Variants in HTT observed in about 807,000 individuals in gnomAD.
HTT encodes the protein huntingtin, also known as huntington disease protein.
HTT carries 104 observed loss-of-function variants against 362.3 expected under a neutral mutation model. That is an observed-to-expected ratio of 0.29 (90% CI 0.24 to 0.34). The LOEUF is 0.34. Among genes scored for constraint, HTT ranks in the 10% least tolerant of loss-of-function variants. HTT has a pLI of 1.00. For synonymous variants in HTT, 1,577 were observed against 1,548.7 expected, an observed-to-expected ratio of 1.02 and a Z score of -0.43; for missense variants, 3,301 against 3,928.6, an observed-to-expected ratio of 0.84 and a Z score of 4.27.
intron 29 of HTT, among the ~76,000 whole-genome samples, chr4:3,163,102 C>T (rs1314918338): frequency 2.0e-5 from 3 of 152,124 alleles, no homozygotes; most frequent in South Asian, 2.1e-4. Flanking sequence ...TACGTTCCAT[C>T]GATACCTAGT....
chr4:3,123,144 A>G (rs747254691), intron 10 of HTT: 5 of 408,850 alleles, frequency 1.2e-5, no homozygotes, highest in East Asian at 3.6e-5. Flanking sequence ...AATTACTTTC[A>G]TATCAGAATT....
At chr4:3,092,243 C>G (rs918057472) in intron 2 of HTT, among the ~76,000 whole-genome samples, 2 of 152,064 alleles carry the variant, frequency 1.3e-5, no homozygotes, top group Non-Finnish European at 2.9e-5. Context: ...AGACTGGTCT[C>G]GAACTCCTGA....
At chr4:3,159,789 G>A (rs1418437139) in intron 28 of HTT, among the ~76,000 whole-genome samples, 1 of 152,192 alleles carries the variant, frequency 6.6e-6, no homozygotes, top group African/African-American at 2.4e-5. Flanking sequence ...TAGAATTGCT[G>A]TATAATTTAA....
At chr4:3,090,675 A>C (rs933025453) in intron 2 of HTT, among the ~76,000 whole-genome samples, 1 of 152,262 alleles carries the variant, frequency 6.6e-6, no homozygotes, top group African/African-American at 2.4e-5. Flanking sequence ...ACCACTTTCT[A>C]GATAGGAAGA....
intron 21 of HTT, among the ~76,000 whole-genome samples, chr4:3,139,653 AC>A (rs1716243907): frequency 1.3e-5 from 2 of 152,096 alleles, no homozygotes; most frequent in Admixed American, 1.3e-4. Context: ...GCAGATATGA[AC>A]CCTTTTGTTT....
intron 47 of HTT, among the ~76,000 whole-genome samples, chr4:3,210,750 G>A (rs1560595251): frequency 6.6e-6 from 1 of 152,146 alleles, no homozygotes; most frequent in South Asian, 2.1e-4. Flanking sequence ...CACCTGGGAG[G>A]ACAAATGCCT....
At chr4:3,225,157 G>C (rs538157719) in intron 56 of HTT, among the ~76,000 whole-genome samples, 2 of 151,966 alleles carry the variant, frequency 1.3e-5, no homozygotes, top group South Asian at 2.1e-4. Flanking sequence ...TGGGGCGTGG[G>C]GGGGTGTGAA....
At chr4:3,112,181 C>A (rs1714788982) in intron 6 of HTT, among the ~76,000 whole-genome samples, 2 of 152,136 alleles carry the variant, frequency 1.3e-5, no homozygotes, top group African/African-American at 2.4e-5. Context: ...CAAGTTCAAT[C>A]CAGCGTGTTG....
At chr4:3,159,687 G>A (rs1717343602) in intron 28 of HTT, among the ~76,000 whole-genome samples, 1 of 152,206 alleles carries the variant, frequency 6.6e-6, no homozygotes. Context: ...CTGAGGCAGT[G>A]TTTTACCAAT....
chr4:3,237,582 A>G (rs562280458), intron 64 of HTT, among the ~76,000 whole-genome samples: 4 of 152,210 alleles, frequency 2.6e-5, no homozygotes, highest in African/African-American at 9.6e-5. Context: ...TCCAGACGCC[A>G]CAGGGAGGCA....
At chr4:3,223,013 C>T (rs1720750226) in intron 54 of HTT, among the ~76,000 whole-genome samples, 1 of 152,128 alleles carries the variant, frequency 6.6e-6, no homozygotes, top group Non-Finnish European at 1.5e-5. Flanking sequence ...TTTGAACTCA[C>T]AGAAATGACA....
At chr4:3,212,293 C>A in intron 48 of HTT, 151 bp downstream of exon 48, 1 of 725,894 alleles carries the variant, frequency 1.4e-6, no homozygotes, top group Non-Finnish European at 2.2e-6. Context: ...GTGTCCTCGG[C>A]TCAGAATTTC....
chr4:3,240,236 T>G lies in HTT; in HGVS notation c.*177T>G, dbSNP rs1578622652. 1 of 621,142 alleles carries G rather than the reference T, an allele frequency of 1.6e-6. No individual in the cohort carries two copies. The highest frequency in any genetic ancestry group is 1.9e-5 in the South Asian group (1 of 51,534). 38.5% of individuals were successfully genotyped at this position (621,142 alleles called of 1,614,324 possible). ...GTGGCAGAAGTGCTCTTTGTGGCAGTGGCCAGGCAGGGAGTGTCTGCAGTC... is the reference window on the plus strand; with the variant it reads ...GTGGCAGAAGTGCTCTTTGTGGCAGGGGCCAGGCAGGGAGTGTCTGCAGTC... On this transcript the variant is annotated 3_prime_UTR_variant, in exon 67 of 67. Coordinates refer to ENST00000355072, the MANE Select transcript of HTT (RefSeq NM_001388492.1).
chr4:3,172,278 G>C (rs753949944), intron 29 of HTT, 42 bp from the exon 30 acceptor site: 5 of 1,059,540 alleles, frequency 4.7e-6, no homozygotes, highest in Non-Finnish European at 7.4e-6. Flanking sequence ...ACAATAACGG[G>C]TCATCTCTGA....
intron 61 of HTT, 89 bp downstream of exon 61, chr4:3,233,442 C>A: frequency 7.7e-7 from 1 of 1,306,742 alleles, no homozygotes; most frequent in Admixed American, 2.0e-5. Flanking sequence ...GCCCAGGCTC[C>A]TGGCCAGATG....
intron 28 of HTT, among the ~76,000 whole-genome samples, chr4:3,158,857 A>G (rs1407668674): frequency 2.6e-5 from 4 of 152,108 alleles, no homozygotes; most frequent in Non-Finnish European, 5.9e-5. Flanking sequence ...TTCAACTCAT[A>G]TCATCTTGAA....
At chr4:3,132,991 A>G in intron 18 of HTT, 80 bp downstream of exon 18, 1 of 1,065,870 alleles carries the variant, frequency 9.4e-7, no homozygotes, top group Non-Finnish European at 1.5e-6. Flanking sequence ...GGAGCTTAAT[A>G]GGAAATATTT....
At chr4:3,101,313 T>C (rs192381702) in intron 3 of HTT, among the ~76,000 whole-genome samples, 1 of 152,376 alleles carries the variant, frequency 6.6e-6, no homozygotes, top group Admixed American at 6.5e-5. Flanking sequence ...TCTTCCTGGC[T>C]GTCTCCTTGC....
chr4:3,138,661 T>C (rs1716198078), intron 21 of HTT, among the ~76,000 whole-genome samples: 1 of 152,252 alleles, frequency 6.6e-6, no homozygotes, highest in Non-Finnish European at 1.5e-5. Context: ...ATGCCCAGGC[T>C]GGAGTGTGGT....
Sources: gnomAD v4.1 joint callset for allele counts (sites outside exome capture counted in the v4.1 genomes callset) on GRCh38, gnomAD v4.1.1 for gene constraint, MANE v1.5 for transcripts, NCBI Gene and HGNC (gene_info 2026-07-23, HGNC 2026-07-21) for gene names.